The following IGHMBP2 variants were observed in gnomAD, a reference collection of about 807,000 sequenced individuals.
The protein encoded by IGHMBP2 is immunoglobulin mu DNA binding protein 2, also known as DNA-binding protein SMUBP-2.
Under a neutral mutation model 96.0 loss-of-function variants are expected in IGHMBP2, and 81 were observed. The ratio of observed to expected loss-of-function variants is 0.84; its 90% CI spans 0.71 to 1.01. IGHMBP2 has a LOEUF of 1.01. Among genes scored for constraint, IGHMBP2 ranks in the 50% least tolerant of loss-of-function variants. IGHMBP2 has a pLI of 0.00. For missense variants in IGHMBP2, 1,227 were observed against 1,306.3 expected, an observed-to-expected ratio of 0.94 and a Z score of 0.94; for synonymous variants, 557 against 548.9, an observed-to-expected ratio of 1.01 and a Z score of -0.21.
intron 2 of IGHMBP2, 46 bp downstream of exon 2, chr11:68,906,284 C>G: frequency 6.3e-7 from 1 of 1,587,822 alleles, no homozygotes; most frequent in Non-Finnish European, 8.6e-7. Context: ...TACTGGCATT[C>G]AGACCGTGAC....
At chr11:68,910,350 A>T (rs1421998892) in intron 4 of IGHMBP2, among the ~76,000 whole-genome samples, 1 of 152,224 alleles carries the variant, frequency 6.6e-6, no homozygotes, top group African/African-American at 2.4e-5. Flanking sequence ...ACTGTGTCTT[A>T]GGGACTCTGG....
rs765856813 is a variant in IGHMBP2, at chr11:68,917,790, ATTAAGCTG to A, written c.973_980del (p.Leu325LysfsTer48). The stretch of plus-strand genomic sequence containing the variant: ...AGAGAAAAGTAATTTTCGAAATGAA[ATTAAGCTG>A]TTAAGAAAAGAACTGAAGGAGAGGG... On this transcript the variant is annotated frameshift_variant, in exon 7 of 15. Coordinates refer to ENST00000255078, the MANE Select transcript of IGHMBP2 (RefSeq NM_002180.3). LOFTEE classifies it high-confidence loss of function. 6.2e-7 allele frequency: 1 copy of A among 1,613,722 alleles called. No individual in the cohort carries two copies. Among genetic ancestry groups the A allele is most frequent in the Admixed American group, 1.7e-5 (1 of 60,016 alleles).
chr11:68,908,367 A>C, intron 3 of IGHMBP2, 30 bp downstream of exon 3: 1 of 1,588,350 alleles, frequency 6.3e-7, no homozygotes, highest in Non-Finnish European at 8.6e-7. Context: ...AATCCTAAGT[A>C]CCATCTTCCT....
Position 68,907,175 on chromosome 11 carries a change from C to A in IGHMBP2, c.256+937C>A, listed in dbSNP as rs867733728. ...ACTTGATGGGCTGAGGCAGGAGGAT[C>A]GCTTGAACCTGGGAGGTTGAGGCTG... On this transcript the variant is annotated intron_variant, in intron 2 of 14. Coordinates refer to ENST00000255078, the MANE Select transcript of IGHMBP2 (RefSeq NM_002180.3). Among the ~76,000 whole-genome samples the A allele has an allele frequency of 4.6e-5, 7 of 152,184 alleles. No homozygotes were observed. In the South Asian group the frequency reaches 1.5e-3, roughly 32 times the overall value.
At chr11:68,906,594 G>T (rs1033616694) in intron 2 of IGHMBP2, among the ~76,000 whole-genome samples, 1 of 151,054 alleles carries the variant, frequency 6.6e-6, no homozygotes, top group Non-Finnish European at 1.5e-5. Flanking sequence ...TCATATATTG[G>T]GTTAAATAAA....
rs575051473 is a variant in IGHMBP2, at chr11:68,930,010, C to G, written c.1235+653C>G. 529 of 1,095,146 alleles carry G rather than the reference C, an allele frequency of 4.8e-4. 1 individual carries two copies. Among genetic ancestry groups the G allele is most frequent in the Admixed American group, 6.4e-4 (13 of 20,392 alleles). 67.8% of individuals were successfully genotyped at this position (1,095,146 alleles called of 1,614,324 possible). A position where few individuals can be genotyped will look rare whatever the true frequency, so the allele number is the denominator to read the frequency against. On this transcript the variant is annotated intron_variant, in intron 8 of 14. Coordinates refer to ENST00000255078, the MANE Select transcript of IGHMBP2 (RefSeq NM_002180.3). ...TCACCTCTCCCCATACTACCCAGCA[C>G]TCACTGCTTCAGCCACACAGGCCTC...
intron 2 of IGHMBP2, among the ~76,000 whole-genome samples, chr11:68,907,402 A>C (rs1223370713): frequency 6.6e-6 from 1 of 152,168 alleles, no homozygotes; most frequent in Non-Finnish European, 1.5e-5. Context: ...TGCTTTGGCT[A>C]AACTTGTGCC....
At chr11:68,920,679 T>C (rs1414777651) in intron 7 of IGHMBP2, among the ~76,000 whole-genome samples, 3 of 152,166 alleles carry the variant, frequency 2.0e-5, no homozygotes, top group Non-Finnish European at 4.4e-5. Context: ...AGACAAGATC[T>C]CACTGTGTTG....
rs1372564934 is a variant in IGHMBP2, at chr11:68,929,185, G to A, written c.1063G>A (p.Ala355Thr). 5 of 1,612,238 alleles carry A rather than the reference G, an allele frequency of 3.1e-6. No homozygotes were observed. In the African/African-American group the frequency reaches 5.3e-5, roughly 17 times the overall value. The change falls in exon 8 of 15, where the codon GCG becomes ACG. Residue 355 changes from alanine (A) to threonine (T), a missense_variant and splice_region_variant. Coordinates refer to ENST00000255078, the MANE Select transcript of IGHMBP2 (RefSeq NM_002180.3). ...TCCCGGCTCCCTGTTTCCACCAGGT[G>A]CGTCTGCCGATGGCCCCCTGAAGTT... ...ANVVLATNTG[A>T]SADGPLKLLP...
Position 68,940,156 on chromosome 11 carries a change from G to A in IGHMBP2, c.*425G>A, listed in dbSNP as rs144205786. 3.3e-3 allele frequency: 643 copies of A among 195,642 alleles called. 23 individuals are homozygous for A. The highest frequency in any genetic ancestry group is 6.2e-4 in the Non-Finnish European group (59 of 94,738). 12.1% of individuals were successfully genotyped at this position (195,642 alleles called of 1,614,324 possible). A position where few individuals can be genotyped will look rare whatever the true frequency, so the allele number is the denominator to read the frequency against. ...GGAAACAGGAAACAAGACTGCGAAT[G>A]GCGCTCAGGCAGGGAGCAGGGAGTG... On this transcript the variant is annotated 3_prime_UTR_variant, in exon 15 of 15. Transcript: ENST00000255078.
intron 7 of IGHMBP2, 57 bp from the exon 8 acceptor site, chr11:68,929,126 T>C: frequency 6.6e-7 from 1 of 1,510,330 alleles, no homozygotes; most frequent in Non-Finnish European, 9.1e-7. Flanking sequence ...CTGGTGTGGC[T>C]GCGCTGTTGG....
chr11:68,913,067 A>AAC, intron 5 of IGHMBP2, among the ~76,000 whole-genome samples: 1 of 150,566 alleles, frequency 6.6e-6, no homozygotes, highest in African/African-American at 2.4e-5. Flanking sequence ...AAAAAAAAAA[A>AAC]ACCAAAAAAA....
chr11:68,923,826 G>C (rs1439727785), intron 7 of IGHMBP2, among the ~76,000 whole-genome samples: 1 of 152,150 alleles, frequency 6.6e-6, no homozygotes. Flanking sequence ...CAATACCCAA[G>C]GGAATCTCGC....
At chr11:68,930,431 G>A in intron 8 of IGHMBP2, 1 of 1,289,700 alleles carries the variant, frequency 7.8e-7, no homozygotes, top group Non-Finnish European at 1.0e-6. Flanking sequence ...CCAGGAGTTG[G>A]CGGGTATGTA....
At chr11:68,906,029 T>TA in intron 1 of IGHMBP2, 40 bp from the exon 2 acceptor site, 3 of 1,598,474 alleles carry the variant, frequency 1.9e-6, no homozygotes, top group Non-Finnish European at 2.6e-6. Context: ...AAGTAGAAAC[T>TA]AGTAAAAATC....
Position 68,911,663 on chromosome 11 carries a change from G to A in IGHMBP2, c.711+60G>A, listed in dbSNP as rs1464978468. 10 of 1,532,948 alleles carry A rather than the reference G, an allele frequency of 6.5e-6. No homozygotes were observed. In the East Asian group the frequency reaches 1.6e-4, roughly 24 times the overall value. The allele number at this position is 1,532,948 out of a possible 1,614,324, so 95.0% of individuals were successfully genotyped here. A position where few individuals can be genotyped will look rare whatever the true frequency, so the allele number is the denominator to read the frequency against. ...GTCCGCTCCTGGTCTGTTGTGTTCA[G>A]TGGGTGCTCAGCGACCTTTCAGCCT... is the stretch of plus-strand genomic sequence containing the variant. On this transcript the variant is annotated intron_variant, in intron 5 of 14. Coordinates refer to ENST00000255078, the MANE Select transcript of IGHMBP2 (RefSeq NM_002180.3).
rs760004229 is a variant in IGHMBP2 at position 68,908,174 on chromosome 11, A to G, written c.286A>G (p.Asn96Asp). The G allele has an allele frequency of 2.5e-6, 4 of 1,613,790 alleles. No homozygotes were observed. The highest frequency in any genetic ancestry group is 3.3e-5 in the Admixed American group (2 of 59,966). ...GDIVGLYDAA[N>D]EGSQLATGIL... ...TATCGTGGGCCTGTACGATGCTGCTAATGAGGGCAGTCAGCTGGCCACTGG... is the reference window on the plus strand; with the variant it reads ...TATCGTGGGCCTGTACGATGCTGCTGATGAGGGCAGTCAGCTGGCCACTGG... The change falls in exon 3 of 15, where the codon AAT (asparagine) becomes GAT (aspartate). Residue 96 changes from asparagine to aspartate, a missense_variant. Physicochemically the swap from Asn to Asp is conservative, Grantham distance 23 (BLOSUM62 1). Around this residue, in one of 3 missense-constraint regions of IGHMBP2, gnomAD observed 507 missense variants for 496.9 expected, o/e 1.02. Coordinates refer to ENST00000255078, the MANE Select transcript of IGHMBP2 (RefSeq NM_002180.3).
At position 68,933,352 on chromosome 11, in the gene IGHMBP2, A is replaced by G. The variant is rs1200183933; in HGVS notation, c.1289A>G (p.Tyr430Cys). 6.2e-7 allele frequency: 1 copy of G among 1,613,000 alleles called. No homozygotes were observed. The highest frequency in any genetic ancestry group is 8.5e-7 in the Non-Finnish European group (1 of 1,179,902). Residue 430 changes from tyrosine (Y) to cysteine (C), a missense_variant, in exon 9 of 15, where the codon TAC becomes TGC. Coordinates refer to ENST00000255078, the MANE Select transcript of IGHMBP2 (RefSeq NM_002180.3). ...CTGATGGAACGCCTGGCTGAGGAGT[A>G]CGGCGCGAGGGTGGTGCGGACACTG... Reference protein sequence around the residue: ...LSLMERLAEEYGARVVRTLTV... With the variant: ...LSLMERLAEECGARVVRTLTV...
Position 68,917,882 on chromosome 11 carries a change from A to G in IGHMBP2, c.1059A>G (p.Thr353=). ...TSANVVLATN[T]GASADGPLKL... ...CAAACGTGGTCCTTGCAACAAACAC[A>G]GGTGAGGGGGCGTCTCCATCCTGCC... The change falls in exon 7 of 15, where the codon ACA becomes ACG. Residue 353 remains threonine, a splice_region_variant and synonymous_variant. Coordinates refer to ENST00000255078, the MANE Select transcript of IGHMBP2 (RefSeq NM_002180.3). 3 of 1,613,932 alleles carry G rather than the reference A, an allele frequency of 1.9e-6. No individual in the cohort carries two copies. Among genetic ancestry groups the G allele is most frequent in the Non-Finnish European group, 2.5e-6 (3 of 1,179,934 alleles).
Sources: gnomAD v4.1 joint callset for allele counts (sites outside exome capture counted in the v4.1 genomes callset) on GRCh38, gnomAD v4.1.1 for gene constraint, gnomAD v4.1.1 regional missense constraint, MANE v1.5 for transcripts, NCBI Gene and HGNC (gene_info 2026-07-23, HGNC 2026-07-21) for gene names.